STX5: variants seen among roughly 807,000 people sequenced by gnomAD.
STX5 encodes the protein syntaxin-5.
Under a neutral mutation model 42.9 loss-of-function variants are expected in STX5, and 15 were observed. The ratio of observed to expected loss-of-function variants is 0.35; its 90% CI spans 0.23 to 0.54. The LOEUF is 0.54. STX5 is among the 20% of genes least tolerant of loss of function. The probability of loss-of-function intolerance (pLI) is 0.91; values close to 1 mark genes in which losing one functional copy is unlikely to be tolerated. For missense variants in STX5, 430 were observed against 455.0 expected (o/e 0.95, Z 0.50); for synonymous variants, 184 against 173.2 (o/e 1.06, Z -0.49).
rs2084571609 is a variant in STX5 at position 62,807,969 on chromosome 11, G to A, written c.909-341C>T. The A allele has an allele frequency of 2.8e-5, 7 of 247,482 alleles. No individual in the cohort carries two copies. In the South Asian group the frequency reaches 5.4e-4, roughly 19 times the overall value. 15.3% of individuals were successfully genotyped at this position (247,482 alleles called of 1,614,324 possible). On this transcript the variant is annotated intron_variant, in intron 10 of 10. Transcript: ENST00000294179. ...CCTAACCCACAAGAGCCCCGAAAAT[G>A]TTAGTTACAATTTTTCCTCATCAGT...
At chr11:62,827,503 C>T in intron 3 of STX5, 58 bp downstream of exon 3, 3 of 1,612,962 alleles carry the variant, frequency 1.9e-6, no homozygotes, top group East Asian at 2.2e-5. Flanking sequence ...CCACTGATTG[C>T]AAGTCTACTT....
At chr11:62,824,341 C>T (rs2084771046) in intron 9 of STX5, 54 bp from the exon 10 acceptor site, 1 of 1,613,200 alleles carries the variant, frequency 6.2e-7, no homozygotes, top group East Asian at 2.2e-5. Flanking sequence ...AGGGTCAGAC[C>T]TGCATTTTTA....
intron 10 of STX5, among the ~76,000 whole-genome samples, chr11:62,812,072 CCT>C (rs1491504492): frequency 2.1e-5 from 3 of 143,556 alleles, no homozygotes; most frequent in Non-Finnish European, 4.6e-5. Context: ...AACTCAAATA[CCT>C]TTTTTTTTTT....
In STX5 at chr11:62,816,319, A is replaced by G. The variant is rs565436967; in HGVS notation, c.908+7847T>C. On this transcript the variant is annotated intron_variant, in intron 10 of 10. Transcript: ENST00000294179. ...TTTTTTAGAGATACGGTCTCACTCT[A>G]TTGCCCAGGCTGTAGTACAATGGCA... Among the ~76,000 whole-genome samples, 27 of 152,206 alleles carry G rather than the reference A, an allele frequency of 1.8e-4. No homozygotes were observed. The South Asian group carries it at 5.2e-3, about 29-fold the overall frequency.
chr11:62,824,373 C>A, intron 9 of STX5, 86 bp from the exon 10 acceptor site: 1 of 1,611,728 alleles, frequency 6.2e-7, no homozygotes, highest in Non-Finnish European at 8.5e-7. Context: ...GCTTGCCATT[C>A]TGCCCATGGC....
intron 2 of STX5, 123 bp from the exon 3 acceptor site, chr11:62,827,754 T>C (rs921937001): frequency 1.4e-5 from 14 of 994,772 alleles, no homozygotes; most frequent in South Asian, 1.1e-4. Flanking sequence ...ATGATCTAGA[T>C]TTATGAGTGG....
At chr11:62,813,093 C>CAAA (rs371506460) in intron 10 of STX5, among the ~76,000 whole-genome samples, 103 of 64,414 alleles carry the variant, frequency 1.6e-3, no homozygotes, top group Middle Eastern at 9.6e-3. Flanking sequence ...GACTCCGTCT[C>CAAA]AAAAAAAAAA....
At chr11:62,819,357 C>CA (rs150908864) in intron 10 of STX5, among the ~76,000 whole-genome samples, 12,374 of 129,548 alleles carry the variant, frequency 0.096, 633 homozygotes, top group East Asian at 0.17. Context: ...ATCTCCACTA[C>CA]AAAAAAAAAA....
intron 2 of STX5, chr11:62,830,373 AG>A (rs1378518801): frequency 2.8e-6 from 1 of 355,300 alleles, no homozygotes; most frequent in Non-Finnish European, 5.6e-6. Context: ...CAACATAGTG[AG>A]ACACTGCCTG....
rs2084562282 is a variant in STX5 at position 62,807,310 on chromosome 11, G to A, written c.*159C>T. 1.7e-6 allele frequency: 2 copies of A among 1,190,896 alleles called. No homozygotes were observed. Among genetic ancestry groups the A allele is most frequent in the African/African-American group, 1.5e-5 (1 of 64,582 alleles). The allele number at this position is 1,190,896 out of a possible 1,614,324, so 73.8% of individuals were successfully genotyped here. A position where few individuals can be genotyped will look rare whatever the true frequency, so the allele number is the denominator to read the frequency against. On this transcript the variant is annotated 3_prime_UTR_variant, in exon 11 of 11. Transcript: ENST00000294179. ...TGGGGGGAGGACAGGGTGGCCAGAG[G>A]CAAGGGGTGGGGGATCAGGGGCAGT...
chr11:62,829,908 T>A (rs1227952132), intron 2 of STX5, among the ~76,000 whole-genome samples: 1 of 150,442 alleles, frequency 6.6e-6, no homozygotes, highest in East Asian at 2.0e-4. Context: ...TAAAAAAAAA[T>A]ACAAAAATTA....
intron 10 of STX5, among the ~76,000 whole-genome samples, chr11:62,822,247 C>T (rs1477168602): frequency 1.3e-5 from 2 of 151,784 alleles, no homozygotes; most frequent in Non-Finnish European, 2.9e-5. Flanking sequence ...CCTGTGGTCC[C>T]AGGTACTCGG....
At chr11:62,810,103 C>CAAAAAAAAAA (rs11405544) in intron 10 of STX5, among the ~76,000 whole-genome samples, 1 of 97,602 alleles carries the variant, frequency 1.0e-5, no homozygotes, top group African/African-American at 3.8e-5. Context: ...GACTCCATCT[C>CAAAAAAAAAA]AAAAAAAAAA....
chr11:62,811,819 A>G (rs1164648670), intron 10 of STX5, among the ~76,000 whole-genome samples: 1 of 151,782 alleles, frequency 6.6e-6, no homozygotes, highest in Non-Finnish European at 1.5e-5. Flanking sequence ...TATCATACTG[A>G]GCTGTCACTG....
rs141518277 is a variant in STX5 at position 62,807,816 on chromosome 11, A to G, written c.909-188T>C. Reference sequence around the variant, plus strand: ...TTCTGGTTTGAAAACCAACTCTGCCATTTATTAGCTTAAGACTCTAAGTTA... The same window carrying G: ...TTCTGGTTTGAAAACCAACTCTGCCGTTTATTAGCTTAAGACTCTAAGTTA... On this transcript the variant is annotated intron_variant, in intron 10 of 10. Transcript: ENST00000294179. The G allele has an allele frequency of 2.5e-5, 27 of 1,083,322 alleles. No homozygotes were observed. In the African/African-American group the frequency reaches 4.3e-4, roughly 17 times the overall value. The allele number at this position is 1,083,322 out of a possible 1,614,324, so 67.1% of individuals were successfully genotyped here.
intron 10 of STX5, among the ~76,000 whole-genome samples, chr11:62,819,077 C>T (rs1349009275): frequency 6.7e-6 from 1 of 150,252 alleles, no homozygotes; most frequent in Non-Finnish European, 1.5e-5. Context: ...AAAAATTAGC[C>T]GGGCATGGTG....
At chr11:62,811,500 G>A (rs959835393) in intron 10 of STX5, among the ~76,000 whole-genome samples, 2 of 152,126 alleles carry the variant, frequency 1.3e-5, no homozygotes, top group Admixed American at 1.3e-4. Context: ...TATCTACCAA[G>A]TTCTTTCTCA....
intron 2 of STX5, 110 bp downstream of exon 2, chr11:62,830,909 C>T: frequency 9.9e-7 from 1 of 1,007,810 alleles, no homozygotes; most frequent in Non-Finnish European, 1.5e-6. Context: ...CCAAGCCTAT[C>T]AGTTCCATCA....
intron 1 of STX5, among the ~76,000 whole-genome samples, chr11:62,831,717 AC>A (rs1420574890): frequency 8.2e-6 from 1 of 122,120 alleles, no homozygotes. Context: ...AGGAAGTCCC[AC>A]CCCCCGCCCA....
Sources: gnomAD v4.1 joint callset for allele counts (sites outside exome capture counted in the v4.1 genomes callset) on GRCh38, gnomAD v4.1.1 for gene constraint, MANE v1.5 for transcripts, NCBI Gene and HGNC (gene_info 2026-07-23, HGNC 2026-07-21) for gene names.